The following FARP1 variants were observed in gnomAD, a reference collection of about 807,000 sequenced individuals.
The protein encoded by FARP1 is FERM, ARHGEF and pleckstrin domain-containing protein 1.
Under a neutral mutation model 128.8 loss-of-function variants are expected in FARP1, and 52 were observed. The ratio of observed to expected loss-of-function variants is 0.40; its 90% confidence interval spans 0.32 to 0.51. The LOEUF (loss-of-function observed/expected upper bound fraction) is 0.51. FARP1 is among the 20% of genes least tolerant of loss of function. FARP1 has a pLI of 0.45. For missense variants in FARP1, 1,333 were observed against 1,367.9 expected (o/e 0.97, Z 0.40); for synonymous variants, 580 against 551.8 (o/e 1.05, Z -0.72).
rs1410385992 is a variant in FARP1, at chr13:98,407,941, G to A, written c.1415-1397G>A. ...GCACATGCATGACTCCAGAGGGTGA[G>A]AACAGATGACAGGAAAATGGGGGTG... On this transcript the variant is annotated intron_variant, in intron 13 of 26. Coordinates refer to ENST00000319562, the MANE Select transcript of FARP1 (RefSeq NM_005766.4). 2.0e-5 allele frequency among the ~76,000 whole-genome samples: 3 copies of A among 152,202 alleles called. No individual in the cohort carries two copies. In the East Asian group the frequency reaches 5.8e-4, roughly 29 times the overall value.
intron 2 of FARP1, among the ~76,000 whole-genome samples, chr13:98,314,274 C>CTTTTTTTTTTTTTTTT (rs140938723): frequency 1.7e-5 from 1 of 59,988 alleles, no homozygotes; most frequent in East Asian, 5.7e-4. Flanking sequence ...TATTTTATGT[C>CTTTTTTTTTTTTTTTT]TTTTTTTTTT....
chr13:98,256,954 T>TAC (rs1700165679), intron 2 of FARP1, among the ~76,000 whole-genome samples: 3 of 53,392 alleles, frequency 5.6e-5, no homozygotes, highest in Non-Finnish European at 9.2e-5. Flanking sequence ...TGTGGATATA[T>TAC]ATATATATAT....
intron 1 of FARP1, among the ~76,000 whole-genome samples, chr13:98,156,852 C>T (rs2139115048): frequency 1.3e-5 from 2 of 152,340 alleles, no homozygotes; most frequent in Middle Eastern, 3.4e-3. Context: ...AGCCACTGCA[C>T]CTGGCCTAGA....
chr13:98,352,640 G>A (rs546361513), intron 3 of FARP1, among the ~76,000 whole-genome samples: 1 of 152,312 alleles, frequency 6.6e-6, no homozygotes, highest in South Asian at 2.1e-4. Context: ...ATAAAAATGA[G>A]TAACAAAAAT....
intron 21 of FARP1, 49 bp from the exon 22 acceptor site, chr13:98,439,912 G>C (rs201842585): frequency 3.0e-6 from 4 of 1,322,106 alleles, no homozygotes; most frequent in Non-Finnish European, 4.2e-6. Context: ...AGGGATGTTT[G>C]GAAGTGCATC....
chr13:98,361,739 G>A (rs1888881219), intron 3 of FARP1, among the ~76,000 whole-genome samples: 1 of 152,136 alleles, frequency 6.6e-6, no homozygotes, highest in African/African-American at 2.4e-5. Context: ...TCTGTCATTA[G>A]CCTGTCCCTG....
intron 6 of FARP1, among the ~76,000 whole-genome samples, chr13:98,383,179 T>G (rs1215517706): frequency 6.6e-6 from 1 of 152,222 alleles, no homozygotes; most frequent in Admixed American, 6.5e-5. Context: ...ATCAACTGCA[T>G]TTCCTTGAGA....
In FARP1 at chr13:98,352,521, G is replaced by A. The variant is rs1027017760; in HGVS notation, c.276+8655G>A. Among the ~76,000 whole-genome samples, 12 of 152,266 alleles carry A rather than the reference G, an allele frequency of 7.9e-5. No homozygotes were observed. The East Asian group carries it at 9.6e-4, about 12-fold the overall frequency. On this transcript the variant is annotated intron_variant, in intron 3 of 26. Coordinates refer to ENST00000319562, the MANE Select transcript of FARP1 (RefSeq NM_005766.4). ...CGAGCCAGGGAACTTGAGAAAGCACGCTTCCATATCCTTCAACACTGTACA... is the reference window on the plus strand; with the variant it reads ...CGAGCCAGGGAACTTGAGAAAGCACACTTCCATATCCTTCAACACTGTACA...
At chr13:98,183,633 A>G (rs982055572) in intron 1 of FARP1, among the ~76,000 whole-genome samples, 1 of 151,888 alleles carries the variant, frequency 6.6e-6, no homozygotes, top group Non-Finnish European at 1.5e-5. Context: ...TTACAAACGC[A>G]CCTTATTAGC....
At chr13:98,299,910 A>G (rs1331805578) in intron 2 of FARP1, among the ~76,000 whole-genome samples, 1 of 152,198 alleles carries the variant, frequency 6.6e-6, no homozygotes, top group East Asian at 1.9e-4. Context: ...TCTGCCTCCC[A>G]GATGATCTGC....
chr13:98,275,341 GA>G (rs1884587871), intron 2 of FARP1, among the ~76,000 whole-genome samples: 1 of 70,220 alleles, frequency 1.4e-5, no homozygotes, highest in Admixed American at 1.8e-4. Flanking sequence ...GGTAAGGAGA[GA>G]GAGAGAGAGA....
rs149835306 is a variant in FARP1 at position 98,335,629 on chromosome 13, G to A, written c.172-8133G>A. On this transcript the variant is annotated intron_variant, in intron 2 of 26. Coordinates refer to ENST00000319562, the MANE Select transcript of FARP1 (RefSeq NM_005766.4). ...TGCTCATCTTCTTGCTTTCCTTTCTGTCTGCTTAGCATAGTGACTGCACAC... is the reference window on the plus strand; with the variant it reads ...TGCTCATCTTCTTGCTTTCCTTTCTATCTGCTTAGCATAGTGACTGCACAC... 2.8e-4 allele frequency among the ~76,000 whole-genome samples: 42 copies of A among 152,284 alleles called. 2 individuals are homozygous for A. The highest frequency in any genetic ancestry group is 3.4e-4 in the Non-Finnish European group (23 of 68,032).
At chr13:98,298,917 G>A (rs1480940371) in intron 2 of FARP1, among the ~76,000 whole-genome samples, 2 of 152,192 alleles carry the variant, frequency 1.3e-5, no homozygotes, top group African/African-American at 4.8e-5. Flanking sequence ...TTGTATATAT[G>A]AGGATTTTCA....
Position 98,305,104 on chromosome 13 carries a change from G to GTATA in FARP1, c.172-38646_172-38643dup, listed in dbSNP as rs4001088. On this transcript the variant is annotated intron_variant, in intron 2 of 26. Transcript: ENST00000319562. ...GGGCTCAGTAAGAATATTTAAATGT[G>GTATA]TATATATATATATATTTTTTAATTT... Among the ~76,000 whole-genome samples, 18 of 42,612 alleles carry GTATA rather than the reference G, an allele frequency of 4.2e-4. No individual in the cohort carries two copies. In the East Asian group the frequency reaches 0.092, roughly 217 times the overall value. The allele number at this position is 42,612 out of a possible 152,430, so 28.0% of individuals were successfully genotyped here.
intron 2 of FARP1, among the ~76,000 whole-genome samples, chr13:98,295,735 T>G (rs549461123): frequency 6.6e-6 from 1 of 152,330 alleles, no homozygotes; most frequent in East Asian, 1.9e-4. Flanking sequence ...TCAGATTTGT[T>G]AACATCTGCA....
chr13:98,155,474 A>T (rs530042859), intron 1 of FARP1, among the ~76,000 whole-genome samples: 82 of 152,204 alleles, frequency 5.4e-4, no homozygotes, highest in African/African-American at 1.9e-3. Flanking sequence ...GAGTGAGTGA[A>T]CCATGAGGAA....
At chr13:98,448,013 C>T (rs1240920241) in intron 26 of FARP1, 1 of 579,254 alleles carries the variant, frequency 1.7e-6, no homozygotes, top group Middle Eastern at 4.6e-4. Flanking sequence ...GTCACTGCAG[C>T]AAGGTACTTC....
intron 5 of FARP1, among the ~76,000 whole-genome samples, chr13:98,373,902 C>T (rs140273281): frequency 6.6e-6 from 1 of 151,788 alleles, no homozygotes; most frequent in Non-Finnish European, 1.5e-5. Flanking sequence ...TCAAAAATAC[C>T]CTTTCATTAT....
intron 1 of FARP1, among the ~76,000 whole-genome samples, chr13:98,203,160 C>T (rs1208908673): frequency 2.6e-5 from 4 of 152,236 alleles, no homozygotes; most frequent in Non-Finnish European, 5.9e-5. Context: ...GTCAGCTCTC[C>T]TTCCAGTTAC....
Sources: gnomAD v4.1 joint callset for allele counts (sites outside exome capture counted in the v4.1 genomes callset) on GRCh38, gnomAD v4.1.1 for gene constraint, MANE v1.5 for transcripts, NCBI Gene and HGNC (gene_info 2026-07-23, HGNC 2026-07-21) for gene names.